Variants in OLFM3 observed in about 807,000 individuals in gnomAD.
OLFM3 encodes the protein olfactomedin 3.
A neutral mutation model predicts 48.6 loss-of-function variants in OLFM3; 20 were observed. That is an observed-to-expected ratio of 0.41 (90% CI 0.29 to 0.60). The LOEUF (loss-of-function observed/expected upper bound fraction) is 0.60, where lower values mean the gene tolerates loss of function less well. Among genes scored for constraint, OLFM3 ranks in the 20% least tolerant of loss-of-function variants. The pLI is 0.28. For synonymous variants in OLFM3, 222 were observed against 198.1 expected, an observed-to-expected ratio of 1.12 and a Z score of -1.01; for missense variants, 437 against 544.3, an observed-to-expected ratio of 0.80 and a Z score of 1.96.
chr1:101,902,641 T>C (rs1369032489), intron 1 of OLFM3, among the ~76,000 whole-genome samples: 1 of 152,114 alleles, frequency 6.6e-6, no homozygotes, highest in East Asian at 1.9e-4. Flanking sequence ...CTGTAAATAA[T>C]TGATATGTTA....
intron 1 of OLFM3, among the ~76,000 whole-genome samples, chr1:101,962,108 G>C (rs1660484908): frequency 6.6e-6 from 1 of 152,140 alleles, no homozygotes; most frequent in Middle Eastern, 3.2e-3. Context: ...AAAGTTTACT[G>C]TTAGTCACTG....
chr1:101,823,393 G>A (rs957038543), intron 4 of OLFM3, among the ~76,000 whole-genome samples: 1 of 151,998 alleles, frequency 6.6e-6, no homozygotes, highest in African/African-American at 2.4e-5. Context: ...CATGTGGCAG[G>A]TGAAAGTGCG....
chr1:101,853,706 C>T (rs1656307675), intron 1 of OLFM3, among the ~76,000 whole-genome samples: 1 of 152,004 alleles, frequency 6.6e-6, no homozygotes, highest in Non-Finnish European at 1.5e-5. Flanking sequence ...ATATACAGTA[C>T]AGCTTATTCT....
chr1:101,897,595 T>TGCAACC (rs1658249391), intron 1 of OLFM3, among the ~76,000 whole-genome samples: 1 of 152,158 alleles, frequency 6.6e-6, no homozygotes, highest in Non-Finnish European at 1.5e-5. Context: ...AAAATCAGTT[T>TGCAACC]GCAACCACAA....
At chr1:101,832,482 T>G (rs1024284642) in intron 2 of OLFM3, among the ~76,000 whole-genome samples, 1 of 152,370 alleles carries the variant, frequency 6.6e-6, no homozygotes, top group South Asian at 2.1e-4. Context: ...ATCCATCATC[T>G]TGCCCTTTTT....
intron 1 of OLFM3, among the ~76,000 whole-genome samples, chr1:101,946,842 G>A (rs962970224): frequency 6.6e-6 from 1 of 152,126 alleles, no homozygotes; most frequent in African/African-American, 2.4e-5. Context: ...TTTTAAATAA[G>A]TGTATACTTA....
intron 1 of OLFM3, among the ~76,000 whole-genome samples, chr1:101,838,324 G>A (rs956509173): frequency 6.6e-6 from 1 of 152,158 alleles, no homozygotes; most frequent in Non-Finnish European, 1.5e-5. Context: ...CTCCCAAAGT[G>A]CCGGGATAAC....
chr1:101,852,054 T>C (rs1477183305), intron 1 of OLFM3, among the ~76,000 whole-genome samples: 1 of 152,006 alleles, frequency 6.6e-6, no homozygotes, highest in Non-Finnish European at 1.5e-5. Context: ...CAACTCTTAT[T>C]TCCTCTTTTT....
At chr1:101,901,338 G>C (rs755194244) in intron 1 of OLFM3, among the ~76,000 whole-genome samples, 2 of 152,118 alleles carry the variant, frequency 1.3e-5, no homozygotes, top group Non-Finnish European at 2.9e-5. Flanking sequence ...TTCAGATGGA[G>C]ACAAAAACCT....
At chr1:101,908,195 T>C (rs1279584314) in intron 1 of OLFM3, among the ~76,000 whole-genome samples, 2 of 152,192 alleles carry the variant, frequency 1.3e-5, no homozygotes, top group African/African-American at 4.8e-5. Context: ...AAATGAGTCA[T>C]AGGCAATTTA....
At chr1:101,933,201 C>CAA (rs761881274) in intron 1 of OLFM3, among the ~76,000 whole-genome samples, 437 of 40,108 alleles carry the variant, frequency 0.011, 30 homozygotes, top group South Asian at 0.013. Flanking sequence ...GACTCCATCT[C>CAA]AAAAAAAAAA....
chr1:101,846,932 G>A (rs1388365467), intron 1 of OLFM3: 1 of 1,612,686 alleles, frequency 6.2e-7, no homozygotes, highest in Admixed American at 1.7e-5. Flanking sequence ...TCATTGCCAT[G>A]GTACTAAGCA....
intron 1 of OLFM3, among the ~76,000 whole-genome samples, chr1:101,962,777 T>G (rs555430948): frequency 6.6e-6 from 1 of 152,300 alleles, no homozygotes; most frequent in African/African-American, 2.4e-5. Context: ...TACTTGTAGT[T>G]TTCTTTATCA....
rs185151276 is a variant in OLFM3, at chr1:101,939,467, G to T, written c.69+57281C>A. 3.9e-5 allele frequency among the ~76,000 whole-genome samples: 6 copies of T among 152,142 alleles called. No individual in the cohort carries two copies. The East Asian group carries it at 1.2e-3, about 29-fold the overall frequency. ...GTGCCCTCAAGGACTAACAATAGTA[G>T]ATATAAAAATCTAAATCACTCTCTG... is the stretch of plus-strand genomic sequence containing the variant. On this transcript the variant is annotated intron_variant, in intron 1 of 5. Coordinates refer to ENST00000370103, the MANE Select transcript of OLFM3 (RefSeq NM_058170.4).
At chr1:101,987,679 T>G (rs1422301770) in intron 1 of OLFM3, among the ~76,000 whole-genome samples, 2 of 152,126 alleles carry the variant, frequency 1.3e-5, no homozygotes, top group East Asian at 3.8e-4. Context: ...ATTCTCTATT[T>G]GAAGAAATCT....
At chr1:101,870,738 G>T (rs1170868143) in intron 1 of OLFM3, among the ~76,000 whole-genome samples, 1 of 151,854 alleles carries the variant, frequency 6.6e-6, no homozygotes, top group African/African-American at 2.4e-5. Context: ...GGCTTCCTGT[G>T]GGGGTGTAGG....
At chr1:101,899,379 A>T (rs1658315760) in intron 1 of OLFM3, among the ~76,000 whole-genome samples, 1 of 152,340 alleles carries the variant, frequency 6.6e-6, no homozygotes, top group South Asian at 2.1e-4. Flanking sequence ...ATAAGAGCAG[A>T]TGAAAGAGGG....
At chr1:101,882,108 T>TACACACAC (rs919416402) in intron 1 of OLFM3, among the ~76,000 whole-genome samples, 6 of 148,318 alleles carry the variant, frequency 4.0e-5, no homozygotes, top group Admixed American at 6.8e-5. Flanking sequence ...CACACACACA[T>TACACACAC]ACACACACAC....
chr1:101,819,316 C>T (rs990683043), intron 4 of OLFM3, among the ~76,000 whole-genome samples: 1 of 152,060 alleles, frequency 6.6e-6, no homozygotes, highest in Non-Finnish European at 1.5e-5. Flanking sequence ...TCAGGCAGAG[C>T]CCATTTCATG....
Sources: allele counts gnomAD v4.1 joint callset (sites outside exome capture counted in the v4.1 genomes callset), GRCh38; gene constraint gnomAD v4.1.1; transcripts MANE v1.5; gene names NCBI Gene and HGNC (gene_info 2026-07-23, HGNC 2026-07-21).